PHACTR2: variants seen among roughly 807,000 people sequenced by gnomAD.
The protein encoded by PHACTR2 is phosphatase and actin regulator 2.
A neutral mutation model predicts 76.0 loss-of-function variants in PHACTR2; 30 were observed. The observed-to-expected ratio is 0.39, with a 90% confidence interval of 0.30 to 0.54. The LOEUF is 0.54. PHACTR2 is among the 20% of genes least tolerant of loss of function. PHACTR2 has a pLI of 0.61. For synonymous variants in PHACTR2, 292 were observed against 292.5 expected, an observed-to-expected ratio of 1.00 and a Z score of 0.02; for missense variants, 696 against 781.1, an observed-to-expected ratio of 0.89 and a Z score of 1.30.
rs1367486142 is a variant in PHACTR2, at chr6:143,654,589, G to A, written c.13+46267G>A. Among the ~76,000 whole-genome samples the A allele has an allele frequency of 1.3e-5, 2 of 152,050 alleles. No homozygotes were observed. Among genetic ancestry groups the A allele is most frequent in the Admixed American group, 6.6e-5 (1 of 15,264 alleles). ...GGAGACTGAGGTGGGAGGATCACTC[G>A]AGGCCTGGAGTTCAAGACCAGCCTG... On this transcript the variant is annotated intron_variant, in intron 1 of 11. Transcript: ENST00000305766. This position sits in a 1 kb window ranked among gnomAD's most constrained non-coding sequence, Gnocchi z 4.6.
rs891330501 is a variant in PHACTR2, at chr6:143,571,993, A to C, written c.217+34786A>C. Among the ~76,000 whole-genome samples, 4 of 152,342 alleles carry C rather than the reference A, an allele frequency of 2.6e-5. No individual in the cohort carries two copies. Among genetic ancestry groups the C allele is most frequent in the African/African-American group, 7.2e-5 (3 of 41,582 alleles). Reference sequence around the variant, plus strand: ...GAAACACTGGTCCCAAAAACATGTCAGATTATGAGGAGCATAGCCTATTTT... The same window carrying C: ...GAAACACTGGTCCCAAAAACATGTCCGATTATGAGGAGCATAGCCTATTTT... On this transcript the variant is annotated intron_variant, in intron 1 of 11. Transcript: ENST00000367584. This position sits in a 1 kb window ranked among gnomAD's most constrained non-coding sequence, Gnocchi z 4.6.
At chr6:143,681,206 A>AT in intron 1 of PHACTR2, among the ~76,000 whole-genome samples, 1 of 152,290 alleles carries the variant, frequency 6.6e-6, no homozygotes, top group East Asian at 1.9e-4. Flanking sequence ...AAGTTAGACC[A>AT]TTTTACATTC....
At chr6:143,808,111 C>A (rs1776102124) in intron 12 of PHACTR2, among the ~76,000 whole-genome samples, 1 of 151,124 alleles carries the variant, frequency 6.6e-6, no homozygotes, top group African/African-American at 2.4e-5. Flanking sequence ...GTGGAGTCAA[C>A]TGACCACAAT....
At position 143,762,572 on chromosome 6, in the gene PHACTR2, T is replaced by C. The variant is rs146133954; in HGVS notation, c.694+1932T>C. On this transcript the variant is annotated intron_variant, in intron 5 of 12. Transcript: ENST00000440869. ...TATCCCTTTATGATCCTACTGATAG[T>C]CCATTTGTAACCGTTTAGAACTTTC... Among the ~76,000 whole-genome samples, 103 of 152,340 alleles carry C rather than the reference T, an allele frequency of 6.8e-4. 1 individual carries two copies. Among genetic ancestry groups the C allele is most frequent in the African/African-American group, 2.3e-3 (97 of 41,588 alleles).
chr6:143,740,508 T>A (rs116373210), intron 2 of PHACTR2, among the ~76,000 whole-genome samples: 3 of 128,688 alleles, frequency 2.3e-5, no homozygotes, highest in African/African-American at 5.9e-5. Flanking sequence ...TCCTTTTAAT[T>A]AAAAAAAAAA....
rs961858518 is a variant in PHACTR2 at position 143,800,796 on chromosome 6, G to A, written c.1846-6261G>A. Among the ~76,000 whole-genome samples the A allele has an allele frequency of 2.0e-5, 3 of 152,146 alleles. No homozygotes were observed. On this transcript the variant is annotated intron_variant, in intron 11 of 12. Coordinates refer to ENST00000440869, the MANE Select transcript of PHACTR2 (RefSeq NM_001100164.2). The surrounding 1 kb of genome is among the most constrained non-coding windows in gnomAD (Gnocchi z 4.8). ...ATGCAGTTTCTTCCTAGCATCAGTG[G>A]TCTTTACAATTTGGCATGTTTTTGC...
At chr6:143,631,556 A>G (rs1267919362) in intron 1 of PHACTR2, among the ~76,000 whole-genome samples, 1 of 152,040 alleles carries the variant, frequency 6.6e-6, no homozygotes, top group East Asian at 1.9e-4. Context: ...TTCCGTGCCT[A>G]TGGTACACCC....
At chr6:143,749,342 T>C (rs1300763511) in intron 3 of PHACTR2, among the ~76,000 whole-genome samples, 1 of 152,224 alleles carries the variant, frequency 6.6e-6, no homozygotes, top group Non-Finnish European at 1.5e-5. Context: ...ACAGATGAGA[T>C]ACAAATGCTT....
intron 2 of PHACTR2, among the ~76,000 whole-genome samples, chr6:143,737,325 G>A (rs1190635414): frequency 1.3e-5 from 2 of 150,910 alleles, no homozygotes; most frequent in Middle Eastern, 3.2e-3. Flanking sequence ...TTAGAGTGAT[G>A]GTGTCTCACT....
rs2128460726 is a variant in PHACTR2, at chr6:143,710,578, T to C, written c.47-1438T>C. On this transcript the variant is annotated intron_variant, in intron 1 of 12. Coordinates refer to ENST00000440869, the MANE Select transcript of PHACTR2 (RefSeq NM_001100164.2). The surrounding 1 kb of genome is among the most constrained non-coding windows in gnomAD (Gnocchi z 4.9). ...CCTGGTGGCATGTGCCTGTAGTCAG[T>C]CCCAGCTGCTTGGGAGGCTGAGGCA... Among the ~76,000 whole-genome samples, 1 of 152,208 alleles carries C rather than the reference T, an allele frequency of 6.6e-6. No homozygotes were observed. Among genetic ancestry groups the C allele is most frequent in the African/African-American group, 2.4e-5 (1 of 41,538 alleles).
chr6:143,738,515 T>C lies in PHACTR2; in HGVS notation c.215-10470T>C, dbSNP rs1240677720. Among the ~76,000 whole-genome samples the C allele has an allele frequency of 6.6e-6, 1 of 152,010 alleles. No homozygotes were observed. The highest frequency in any genetic ancestry group is 1.5e-5 in the Non-Finnish European group (1 of 68,004). ...ACTCATGCCTGTAATCCTAGCACTT[T>C]GGGAGGCCAAGGTAAATGGATCACT... On this transcript the variant is annotated intron_variant, in intron 2 of 12. Transcript: ENST00000440869. This position sits in a 1 kb window ranked among gnomAD's most constrained non-coding sequence, Gnocchi z 4.0.
upstream of PHACTR2, among the ~76,000 whole-genome samples, chr6:143,677,307 TAAG>T (rs1262608316): frequency 1.3e-5 from 2 of 152,186 alleles, no homozygotes; most frequent in Non-Finnish European, 2.9e-5. Flanking sequence ...TTCATATTTT[TAAG>T]AAGATTGAGA....
rs990019542 is a variant in PHACTR2, at chr6:143,801,487, A to G, written c.1846-5570A>G. Among the ~76,000 whole-genome samples the G allele has an allele frequency of 1.3e-5, 2 of 152,024 alleles. No homozygotes were observed. The highest frequency in any genetic ancestry group is 3.9e-4 in the East Asian group (2 of 5,194). ...GATATACTTTCTTCCGCTTGATCGA[A>G]GTGGCTATTGAGGCTTGTGTATGCT... is the stretch of plus-strand genomic sequence containing the variant. On this transcript the variant is annotated intron_variant, in intron 11 of 12. Coordinates refer to ENST00000440869, the MANE Select transcript of PHACTR2 (RefSeq NM_001100164.2). The surrounding 1 kb of genome is among the most constrained non-coding windows in gnomAD (Gnocchi z 4.6).
At position 143,730,611 on chromosome 6, in the gene PHACTR2, AT is replaced by A. The variant is rs753456279; in HGVS notation, c.215-18368del. Among the ~76,000 whole-genome samples, 32 of 151,996 alleles carry A rather than the reference AT, an allele frequency of 2.1e-4. No individual in the cohort carries two copies. Among genetic ancestry groups the A allele is most frequent in the Middle Eastern group, 6.8e-3 (2 of 294 alleles). On this transcript the variant is annotated intron_variant, in intron 2 of 12. Transcript: ENST00000440869. This position sits in a 1 kb window ranked among gnomAD's most constrained non-coding sequence, Gnocchi z 4.8. ...TTCCATTCTAACCTGCATGTTTTTT[AT>A]TTTTTCTTCCCTTTTTTCACCAGCT...
At chr6:143,686,651 C>A (rs1777533847) in intron 1 of PHACTR2, among the ~76,000 whole-genome samples, 1 of 151,930 alleles carries the variant, frequency 6.6e-6, no homozygotes, top group Non-Finnish European at 1.5e-5. Flanking sequence ...CCATGCCCAG[C>A]TAATTTTTGT....
At chr6:143,666,527 T>C (rs532214437) in intron 1 of PHACTR2, among the ~76,000 whole-genome samples, 18 of 152,334 alleles carry the variant, frequency 1.2e-4, no homozygotes, top group Middle Eastern at 6.8e-3. Context: ...TTCCACAACC[T>C]CTCCAGCATC....
rs1293613491 is a variant in PHACTR2 at position 143,825,213 on chromosome 6, A to G, written c.*1524A>G. 1.3e-5 allele frequency: 2 copies of G among 152,316 alleles called. No homozygotes were observed. The highest frequency in any genetic ancestry group is 4.8e-5 in the African/African-American group (2 of 41,456). 9.4% of individuals were successfully genotyped at this position (152,316 alleles called of 1,614,324 possible). A position where few individuals can be genotyped will look rare whatever the true frequency, so the allele number is the denominator to read the frequency against. ...ATTTTATTCTCAGAGTTTGGACTAC[A>G]ATTTTCTAAGATGTTTCTGGTTCAA... On this transcript the variant is annotated 3_prime_UTR_variant, in exon 13 of 13. Transcript: ENST00000440869. The surrounding 1 kb of genome is among the most constrained non-coding windows in gnomAD (Gnocchi z 4.1).
At position 143,663,006 on chromosome 6, in the gene PHACTR2, C is replaced by T. The variant is rs189311938; in HGVS notation, c.14-49010C>T. On this transcript the variant is annotated intron_variant, in intron 1 of 11. Coordinates refer to the PHACTR2 transcript ENST00000305766. This position sits in a 1 kb window ranked among gnomAD's most constrained non-coding sequence, Gnocchi z 4.1. The stretch of plus-strand genomic sequence containing the variant: ...TATTAATTTGCTTAGGATATGATCT[C>T]CAGCTGCATCCATGTTGCTGCAAAG... Among the ~76,000 whole-genome samples the T allele has an allele frequency of 2.6e-5, 4 of 152,256 alleles. No homozygotes were observed. The highest frequency in any genetic ancestry group is 5.9e-5 in the Non-Finnish European group (4 of 68,016).
chr6:143,691,287 T>TAA (rs72558507), intron 1 of PHACTR2, among the ~76,000 whole-genome samples: 1 of 149,020 alleles, frequency 6.7e-6, no homozygotes, highest in African/African-American at 2.4e-5. Context: ...GTATTTAAAT[T>TAA]AAAAAAAAAA....
Sources: gnomAD v4.1 joint callset for allele counts (sites outside exome capture counted in the v4.1 genomes callset) on GRCh38, gnomAD v4.1.1 for gene constraint, Gnocchi (gnomAD v3.1) non-coding constraint, MANE v1.5 for transcripts, NCBI Gene and HGNC (gene_info 2026-07-23, HGNC 2026-07-21) for gene names.